The following VSIG8 variants were observed in gnomAD, a reference collection of about 807,000 sequenced individuals.
VSIG8 encodes the protein V-set and immunoglobulin domain-containing protein 8.
A neutral mutation model predicts 42.6 loss-of-function variants in VSIG8; 32 were observed. The observed-to-expected ratio is 0.75, with a 90% CI of 0.57 to 1.01. VSIG8 has a LOEUF of 1.01. Ranked by LOEUF, VSIG8 falls within the 50% of genes least tolerant of loss-of-function variation. The pLI is 0.00. For synonymous variants in VSIG8, 290 were observed against 243.8 expected, an observed-to-expected ratio of 1.19 and a Z score of -1.77; for missense variants, 529 against 558.0, an observed-to-expected ratio of 0.95 and a Z score of 0.52.
At chr1:159,860,992 T>A (rs1239894851) in intron 1 of VSIG8, 2 of 152,212 alleles carry the variant, frequency 1.3e-5, no homozygotes, top group East Asian at 3.9e-4. Context: ...CTTCTCAACC[T>A]CCTCCCAAGG....
chr1:159,857,108 C>T (rs1043366399), intron 4 of VSIG8, among the ~76,000 whole-genome samples: 1 of 152,156 alleles, frequency 6.6e-6, no homozygotes, highest in African/African-American at 2.4e-5. Context: ...ATTCCCTTTC[C>T]ATATATGAAG....
chr1:159,856,243 T>C, intron 5 of VSIG8, 162 bp from the exon 6 acceptor site: 1 of 787,608 alleles, frequency 1.3e-6, no homozygotes, highest in East Asian at 2.7e-5. Flanking sequence ...TATGGGGAGA[T>C]GCAAGTTAAC....
chr1:159,862,457 C>T lies in VSIG8; in HGVS notation c.49+16G>A, dbSNP rs1392523007. 8.7e-6 allele frequency: 14 copies of T among 1,608,424 alleles called. No individual in the cohort carries two copies. Among genetic ancestry groups the T allele is most frequent in the African/African-American group, 8.0e-5 (6 of 74,754 alleles). On this transcript the variant is annotated intron_variant, in intron 1 of 6. Transcript: ENST00000368100. ...AGCCTCATGCTGGCTACCCTGCCCC[C>T]TGCCCAGCCCCGTACCTGGGCTCAG...
At position 159,855,893 on chromosome 1, in the gene VSIG8, T is replaced by C; in HGVS notation, c.961A>G (p.Ser321Gly). The C allele has an allele frequency of 6.4e-7, 1 of 1,555,764 alleles. No individual in the cohort carries two copies. Among genetic ancestry groups the C allele is most frequent in the Non-Finnish European group, 8.7e-7 (1 of 1,155,886 alleles). Residue 321 changes from serine to glycine, a missense_variant, in exon 6 of 7, where the codon AGT becomes GGT. Physicochemically the swap from Ser to Gly is moderately conservative, Grantham distance 56. Coordinates refer to ENST00000368100, the MANE Select transcript of VSIG8 (RefSeq NM_001013661.1). ...TGCATCAGGTTTTACCTGATCTCAC[T>C]AGCCAAGTCGCCGCAGGCCCCTCCG... ...VGGGACGDLASEIREDAVAPG... is the reference protein window; with the variant it reads ...VGGGACGDLAGEIREDAVAPG...
intron 1 of VSIG8, among the ~76,000 whole-genome samples, chr1:159,859,982 T>C (rs575940814): frequency 1.3e-5 from 2 of 151,978 alleles, no homozygotes; most frequent in Non-Finnish European, 2.9e-5. Context: ...CCGGGGGGTG[T>C]AGCCAGGGCC....
rs766726661 is a variant in VSIG8, at chr1:159,862,473, C to G, written c.49G>C (p.Ala17Pro). Residue 17 changes from alanine (A) to proline (P), a missense_variant and splice_region_variant, in exon 1 of 7, where the codon GCA becomes CCA. By Grantham distance (27) the Ala-to-Pro change is conservative. Transcript: ENST00000368100. ...FHLLLVCLSP[A>P]LLSAVRINGD... ...CCCTGCCCCCTGCCCAGCCCCGTAC[C>G]TGGGCTCAGGCACACGAGTAGAAGG... The G allele has an allele frequency of 3.7e-6, 6 of 1,612,602 alleles. No individual in the cohort carries two copies. The highest frequency in any genetic ancestry group is 8.5e-7 in the Non-Finnish European group (1 of 1,179,150).
At chr1:159,862,351 A>G in intron 1 of VSIG8, 122 bp downstream of exon 1, 1 of 1,040,006 alleles carries the variant, frequency 9.6e-7, no homozygotes, top group Non-Finnish European at 1.4e-6. Flanking sequence ...CAGCAGGGCA[A>G]GGGTGGGCAG....
At chr1:159,859,089 AG>A (rs1258754020) in intron 1 of VSIG8, among the ~76,000 whole-genome samples, 177 bp from the exon 2 acceptor site, 2 of 152,156 alleles carry the variant, frequency 1.3e-5, no homozygotes, top group African/African-American at 4.8e-5. Context: ...GAATTGTCAC[AG>A]GCATATAACA....
intron 5 of VSIG8, 64 bp downstream of exon 5, chr1:159,856,460 C>A: frequency 6.3e-7 from 1 of 1,597,716 alleles, no homozygotes; most frequent in South Asian, 1.1e-5. Flanking sequence ...GGCTCCAAAC[C>A]AGAGCCCAGC....
At chr1:159,855,549 A>G in intron 6 of VSIG8, 1 of 985,332 alleles carries the variant, frequency 1.0e-6, no homozygotes, top group Non-Finnish European at 1.2e-6. Flanking sequence ...CTCTTCTTAA[A>G]TAATAATGTC....
chr1:159,855,735 G>A, intron 6 of VSIG8, 148 bp downstream of exon 6: 1 of 1,382,294 alleles, frequency 7.2e-7, no homozygotes, highest in Non-Finnish European at 9.4e-7. Context: ...TTGGGTGGCA[G>A]GTCGACATGC....
intron 4 of VSIG8, among the ~76,000 whole-genome samples, chr1:159,857,108 C>G (rs1043366399): frequency 6.6e-6 from 1 of 152,156 alleles, no homozygotes; most frequent in Admixed American, 6.5e-5. Context: ...ATTCCCTTTC[C>G]ATATATGAAG....
At chr1:159,855,747 G>A (rs1434019349) in intron 6 of VSIG8, 136 bp downstream of exon 6, 7 of 1,385,470 alleles carry the variant, frequency 5.1e-6, no homozygotes, top group South Asian at 1.6e-5. Context: ...TCGACATGCC[G>A]CAGTCCCAGC....
At position 159,855,108 on chromosome 1, in the gene VSIG8, T is replaced by C. The variant is rs2101826318; in HGVS notation, c.972-82A>G. 3 of 1,552,372 alleles carry C rather than the reference T, an allele frequency of 1.9e-6. No homozygotes were observed. In the South Asian group the frequency reaches 3.6e-5, roughly 18 times the overall value. ...ACGGCCTGGGCAGAGCCGGGGGCTC[T>C]TGGCAACCTCTTGTCTCCCGCGCCT... On this transcript the variant is annotated intron_variant, in intron 6 of 6. Transcript: ENST00000368100.
chr1:159,858,304 G>A lies in VSIG8; in HGVS notation c.229-13C>T. On this transcript the variant is annotated splice_polypyrimidine_tract_variant and intron_variant, in intron 2 of 6. Coordinates refer to ENST00000368100, the MANE Select transcript of VSIG8 (RefSeq NM_001013661.1). The stretch of plus-strand genomic sequence containing the variant: ...GGTAACTAAGGAACTGTGAAGAGGA[G>A]AGGAAAACAGGTGGTGAAACAGGCA... 1 of 1,614,124 alleles carries A rather than the reference G, an allele frequency of 6.2e-7. No individual in the cohort carries two copies. The highest frequency in any genetic ancestry group is 8.5e-7 in the Non-Finnish European group (1 of 1,179,982).
chr1:159,854,838 G>A lies in VSIG8; in HGVS notation c.1160C>T (p.Ser387Phe), dbSNP rs577239210. The A allele has an allele frequency of 2.5e-5, 37 of 1,490,930 alleles. No homozygotes were observed. In the African/African-American group the frequency reaches 4.5e-4, roughly 18 times the overall value. The allele number at this position is 1,490,930 out of a possible 1,614,324, so 92.4% of individuals were successfully genotyped here. Residue 387 changes from serine (S) to phenylalanine (F), a missense_variant, in exon 7 of 7, where the codon TCC becomes TTC. By Grantham distance (155) the Ser-to-Phe change is radical. Transcript: ENST00000368100. The stretch of plus-strand genomic sequence containing the variant: ...GCTCTTGACCTTGACGTAGACCGGG[G>A]AGGGGCCCGCTTCGCAGGCGGCGGC... ...TAAAACEAGP[S>F]PVYVKVKSAE...
chr1:159,859,505 T>C (rs528531439), intron 1 of VSIG8, among the ~76,000 whole-genome samples: 1 of 152,348 alleles, frequency 6.6e-6, no homozygotes, highest in Non-Finnish European at 1.5e-5. Context: ...TATGTGTGTC[T>C]GTGTATGACA....
chr1:159,856,331 G>A (rs1001886890), intron 5 of VSIG8, among the ~76,000 whole-genome samples, 193 bp downstream of exon 5: 3 of 152,136 alleles, frequency 2.0e-5, no homozygotes, highest in Admixed American at 6.5e-5. Context: ...TGTGCTGGGC[G>A]AGCTTGACCC....
At position 159,856,646 on chromosome 1, in the gene VSIG8, G is replaced by A; in HGVS notation, c.653-3C>T. 1 of 1,613,730 alleles carries A rather than the reference G, an allele frequency of 6.2e-7. No homozygotes were observed. Among genetic ancestry groups the A allele is most frequent in the Non-Finnish European group, 8.5e-7 (1 of 1,179,772 alleles). On this transcript the variant is annotated splice_region_variant and splice_polypyrimidine_tract_variant and intron_variant, in intron 4 of 6. Coordinates refer to ENST00000368100, the MANE Select transcript of VSIG8 (RefSeq NM_001013661.1). ...CACCAGGTCCCCATTGTTCAGGCCTGAAAGTGAAGTGGAGAGAGGCCTGGT... is the reference window on the plus strand; with the variant it reads ...CACCAGGTCCCCATTGTTCAGGCCTAAAAGTGAAGTGGAGAGAGGCCTGGT...
Sources: gnomAD v4.1 joint callset for allele counts (sites outside exome capture counted in the v4.1 genomes callset) on GRCh38, gnomAD v4.1.1 for gene constraint, MANE v1.5 for transcripts, NCBI Gene and HGNC (gene_info 2026-07-23, HGNC 2026-07-21) for gene names.